FAM98B: variants seen among roughly 807,000 people sequenced by gnomAD.
The protein encoded by FAM98B is tRNA splicing ligase complex subunit 3B.
A neutral mutation model predicts 43.9 loss-of-function variants in FAM98B; 32 were observed. The observed-to-expected ratio is 0.73, with a 90% CI of 0.55 to 0.98. The LOEUF is 0.98. Among genes scored for constraint, FAM98B ranks in the 50% least tolerant of loss-of-function variants. The pLI is 0.00. For missense variants in FAM98B, 514 were observed against 522.9 expected (o/e 0.98, Z 0.17); for synonymous variants, 190 against 174.0 (o/e 1.09, Z -0.72).
At chr15:38,478,063 A>G (rs148723533) in intron 6 of FAM98B, among the ~76,000 whole-genome samples, 206 of 152,372 alleles carry the variant, frequency 1.4e-3, no homozygotes, top group African/African-American at 4.7e-3. Context: ...TATTTGCATT[A>G]AAATTGTCTT....
intron 6 of FAM98B, among the ~76,000 whole-genome samples, 174 bp from the exon 7 acceptor site, chr15:38,481,118 A>G (rs1343188064): frequency 6.6e-6 from 1 of 152,054 alleles, no homozygotes; most frequent in Non-Finnish European, 1.5e-5. Context: ...CTGTTGGTCT[A>G]TTTTATTTGT....
rs1425527308 is a variant in FAM98B at position 38,486,083 on chromosome 15, A to T, written c.*1424A>T. 6.6e-6 allele frequency: 1 copy of T among 152,112 alleles called. No homozygotes were observed. Among genetic ancestry groups the T allele is most frequent in the Non-Finnish European group, 1.5e-5 (1 of 67,992 alleles). 9.4% of individuals were successfully genotyped at this position (152,112 alleles called of 1,614,324 possible). On this transcript the variant is annotated 3_prime_UTR_variant, in exon 8 of 8. Coordinates refer to ENST00000397609, the MANE Select transcript of FAM98B (RefSeq NM_173611.4). ...ATTTTTTTGGTAAACTCTGTGGTAA[A>T]ATCTAAAATAATGTTAAAACCCTAA...
intron 1 of FAM98B, among the ~76,000 whole-genome samples, chr15:38,461,162 A>G (rs1889940233): frequency 6.6e-6 from 1 of 151,016 alleles, no homozygotes. Flanking sequence ...CATCAATATG[A>G]ATTAAATTTC....
At chr15:38,455,818 T>C (rs1246305054) in intron 1 of FAM98B, among the ~76,000 whole-genome samples, 1 of 152,246 alleles carries the variant, frequency 6.6e-6, no homozygotes, top group East Asian at 1.9e-4. Flanking sequence ...AATTCATTGC[T>C]ATAATCTTGA....
At chr15:38,461,040 C>T (rs2141052423) in intron 1 of FAM98B, among the ~76,000 whole-genome samples, 1 of 152,000 alleles carries the variant, frequency 6.6e-6, no homozygotes, top group Non-Finnish European at 1.5e-5. Flanking sequence ...TTTACTTCAT[C>T]TGATGAGCTA....
chr15:38,462,309 G>A (rs1889962069), intron 1 of FAM98B, among the ~76,000 whole-genome samples: 1 of 152,092 alleles, frequency 6.6e-6, no homozygotes, highest in South Asian at 2.1e-4. Flanking sequence ...CAGAGTAGAG[G>A]ATACAAGATT....
intron 3 of FAM98B, among the ~76,000 whole-genome samples, chr15:38,469,652 A>G (rs1890093601): frequency 1.3e-5 from 2 of 152,242 alleles, no homozygotes; most frequent in South Asian, 2.1e-4. Context: ...AGATCATTTA[A>G]TATGTTAATT....
chr15:38,466,461 A>G (rs1214774257), intron 3 of FAM98B, among the ~76,000 whole-genome samples: 1 of 152,186 alleles, frequency 6.6e-6, no homozygotes, highest in Non-Finnish European at 1.5e-5. Context: ...ATATCAGTCA[A>G]TGAGAATTAT....
chr15:38,473,021 G>C (rs1890149042), intron 4 of FAM98B, among the ~76,000 whole-genome samples: 1 of 152,156 alleles, frequency 6.6e-6, no homozygotes, highest in African/African-American at 2.4e-5. Context: ...TGTATGTGAT[G>C]ACTGTAATTG....
intron 1 of FAM98B, 129 bp downstream of exon 1, chr15:38,454,361 C>T (rs886183169): frequency 1.6e-5 from 14 of 897,322 alleles, no homozygotes; most frequent in Non-Finnish European, 2.4e-5. Context: ...TGCCTCGATC[C>T]CTCCGGCGCC....
chr15:38,476,430 T>C (rs1166826729), intron 6 of FAM98B, among the ~76,000 whole-genome samples: 1 of 152,038 alleles, frequency 6.6e-6, no homozygotes, highest in Non-Finnish European at 1.5e-5. Context: ...CCTTTATTAC[T>C]TTTTCCCTTT....
At chr15:38,473,975 T>G (rs1566899958) in intron 5 of FAM98B, among the ~76,000 whole-genome samples, 2 of 152,218 alleles carry the variant, frequency 1.3e-5, no homozygotes, top group South Asian at 4.1e-4. Context: ...TTAATTTGTA[T>G]GTTTAATGTC....
intron 1 of FAM98B, 80 bp from the exon 2 acceptor site, chr15:38,463,952 C>A: frequency 7.7e-7 from 1 of 1,301,334 alleles, no homozygotes; most frequent in Non-Finnish European, 1.0e-6. Context: ...AAACAAGCAG[C>A]AGACCTTGAC....
intron 1 of FAM98B, chr15:38,459,532 G>GTGC: frequency 3.4e-6 from 1 of 297,218 alleles, no homozygotes; most frequent in Admixed American, 4.3e-5. Flanking sequence ...TGATGGAACT[G>GTGC]TGCTCCATCT....
At chr15:38,455,135 A>C (rs1889828619) in intron 1 of FAM98B, among the ~76,000 whole-genome samples, 1 of 152,110 alleles carries the variant, frequency 6.6e-6, no homozygotes, top group Admixed American at 6.5e-5. Flanking sequence ...TGCATATTTT[A>C]TTCACCGATG....
chr15:38,481,577 AG>A (rs1417747915), intron 7 of FAM98B, 118 bp downstream of exon 7: 2 of 1,608,714 alleles, frequency 1.2e-6, no homozygotes, highest in East Asian at 2.2e-5. Context: ...AAAGAGTGGC[AG>A]GGGGGTTCAG....
intron 6 of FAM98B, 94 bp downstream of exon 6, chr15:38,474,392 C>A: frequency 1.3e-6 from 1 of 746,938 alleles, no homozygotes; most frequent in Non-Finnish European, 2.2e-6. Flanking sequence ...CACATTTGTA[C>A]TTCATCACCA....
At chr15:38,463,533 A>AAATAAAATAG (rs1889982085) in intron 1 of FAM98B, among the ~76,000 whole-genome samples, 1 of 147,088 alleles carries the variant, frequency 6.8e-6, no homozygotes, top group South Asian at 2.2e-4. Flanking sequence ...AAATAAAATA[A>AAATAAAATAG]AATAGTAAAG....
At chr15:38,455,205 G>A (rs1274254574) in intron 1 of FAM98B, among the ~76,000 whole-genome samples, 1 of 152,204 alleles carries the variant, frequency 6.6e-6, no homozygotes, top group Admixed American at 6.5e-5. Context: ...GAATGAATGA[G>A]TAAATGAATG....
Sources: allele counts gnomAD v4.1 joint callset (sites outside exome capture counted in the v4.1 genomes callset), GRCh38; gene constraint gnomAD v4.1.1; transcripts MANE v1.5; gene names NCBI Gene and HGNC (gene_info 2026-07-23, HGNC 2026-07-21).